Variants in LRBA observed in about 807,000 individuals in gnomAD.
The protein encoded by LRBA is lipopolysaccharide-responsive and beige-like anchor protein.
A neutral mutation model predicts 330.0 loss-of-function variants in LRBA; 176 were observed. That is an observed-to-expected ratio of 0.53 (90% CI 0.47 to 0.60). LRBA has a LOEUF of 0.60. Among genes scored for constraint, LRBA ranks in the 20% least tolerant of loss-of-function variants. LRBA has a pLI of 0.00. For missense variants in LRBA, 3,259 were observed against 3,444.8 expected (o/e 0.95, Z 1.35); for synonymous variants, 1,230 against 1,193.0 (o/e 1.03, Z -0.64).
At chr4:150,330,741 G>A (rs144810114) in intron 48 of LRBA, among the ~76,000 whole-genome samples, 25 of 152,200 alleles carry the variant, frequency 1.6e-4, no homozygotes, top group Non-Finnish European at 2.9e-4. Flanking sequence ...GCTGTGGCTC[G>A]GCGGTCAGGG....
chr4:150,492,731 T>C (rs1014188919), intron 40 of LRBA, among the ~76,000 whole-genome samples: 4 of 152,142 alleles, frequency 2.6e-5, no homozygotes, highest in Non-Finnish European at 4.4e-5. Flanking sequence ...TAAAGCCTCA[T>C]ATCTGGGACT....
intron 40 of LRBA, among the ~76,000 whole-genome samples, chr4:150,513,825 CT>C (rs1317614400): frequency 5.9e-5 from 9 of 152,160 alleles, no homozygotes. Flanking sequence ...TTCAGTCACA[CT>C]GGGGGTTACA....
At chr4:150,438,814 C>T (rs1751464606) in intron 44 of LRBA, among the ~76,000 whole-genome samples, 1 of 152,114 alleles carries the variant, frequency 6.6e-6, no homozygotes, top group Admixed American at 6.6e-5. Flanking sequence ...TCAAAACTAT[C>T]TTTGGCATCA....
chr4:150,676,928 G>A (rs1286590132), intron 37 of LRBA, among the ~76,000 whole-genome samples: 4 of 152,042 alleles, frequency 2.6e-5, no homozygotes, highest in Non-Finnish European at 5.9e-5. Flanking sequence ...ATTATCTATA[G>A]TACATCTCTT....
At chr4:150,572,186 T>G (rs1394774962) in intron 40 of LRBA, among the ~76,000 whole-genome samples, 1 of 152,124 alleles carries the variant, frequency 6.6e-6, no homozygotes, top group African/African-American at 2.4e-5. Flanking sequence ...CAAGTACAAT[T>G]CATCAAACTT....
intron 40 of LRBA, among the ~76,000 whole-genome samples, chr4:150,530,098 A>G (rs943254171): frequency 1.3e-5 from 2 of 152,234 alleles, no homozygotes; most frequent in Non-Finnish European, 2.9e-5. Context: ...CTCTGGCATA[A>G]GAAGAAATAC....
At chr4:150,480,427 CTA>C (rs937692670) in intron 42 of LRBA, among the ~76,000 whole-genome samples, 1 of 151,840 alleles carries the variant, frequency 6.6e-6, no homozygotes, top group Admixed American at 6.6e-5. Context: ...AATCCTTAAT[CTA>C]TAGATTTAAT....
intron 17 of LRBA, among the ~76,000 whole-genome samples, chr4:150,890,962 A>G (rs532659739): frequency 5.1e-4 from 77 of 152,298 alleles, no homozygotes; most frequent in Non-Finnish European, 9.4e-4. Flanking sequence ...AAATACACTA[A>G]AGCACATCCA....
At chr4:150,882,415 G>C (rs1000880715) in intron 17 of LRBA, among the ~76,000 whole-genome samples, 12 of 152,012 alleles carry the variant, frequency 7.9e-5, no homozygotes, top group Admixed American at 7.9e-4. Flanking sequence ...ATCCTGTAGT[G>C]CTTCAATGAA....
intron 37 of LRBA, among the ~76,000 whole-genome samples, chr4:150,611,526 A>G (rs1775260045): frequency 6.6e-6 from 1 of 152,218 alleles, no homozygotes; most frequent in South Asian, 2.1e-4. Flanking sequence ...AGTGACAGAT[A>G]TAACTATAAA....
intron 11 of LRBA, 135 bp downstream of exon 11, chr4:150,908,199 C>G: frequency 1.3e-6 from 1 of 784,252 alleles, no homozygotes; most frequent in Non-Finnish European, 2.0e-6. Flanking sequence ...TTAATATGGA[C>G]TTGTAATACA....
At chr4:150,636,165 T>C (rs1403451940) in intron 37 of LRBA, among the ~76,000 whole-genome samples, 1 of 151,338 alleles carries the variant, frequency 6.6e-6, no homozygotes, top group Non-Finnish European at 1.5e-5. Flanking sequence ...AAGCTTTTTT[T>C]TTTTTTTTTT....
intron 40 of LRBA, among the ~76,000 whole-genome samples, chr4:150,539,889 G>A (rs1765127811): frequency 6.6e-6 from 1 of 152,098 alleles, no homozygotes; most frequent in Non-Finnish European, 1.5e-5. Context: ...ATCTTTTAGA[G>A]TATCAGTTCG....
intron 36 of LRBA, among the ~76,000 whole-genome samples, chr4:150,714,341 C>T (rs1786528979): frequency 6.6e-6 from 1 of 152,026 alleles, no homozygotes; most frequent in Admixed American, 6.6e-5. Flanking sequence ...TATGTTTTAA[C>T]AGTATTTGAT....
At chr4:150,528,551 T>C (rs940391727) in intron 40 of LRBA, among the ~76,000 whole-genome samples, 1 of 151,786 alleles carries the variant, frequency 6.6e-6, no homozygotes, top group East Asian at 1.9e-4. Flanking sequence ...AGAAAGTCTA[T>C]ATACAGTTTA....
At chr4:150,722,414 G>A (rs1036144302) in intron 36 of LRBA, among the ~76,000 whole-genome samples, 127 of 152,240 alleles carry the variant, frequency 8.3e-4, no homozygotes, top group African/African-American at 3.0e-3. Context: ...AATGAAGAGT[G>A]AGTATTGAAT....
At chr4:150,575,255 T>C (rs563034615) in intron 40 of LRBA, among the ~76,000 whole-genome samples, 1 of 152,102 alleles carries the variant, frequency 6.6e-6, no homozygotes, top group African/African-American at 2.4e-5. Flanking sequence ...ATACATAGAT[T>C]ACAACCAATG....
At chr4:150,730,167 C>A (rs1730247226) in intron 36 of LRBA, among the ~76,000 whole-genome samples, 1 of 152,218 alleles carries the variant, frequency 6.6e-6, no homozygotes, top group Non-Finnish European at 1.5e-5. Flanking sequence ...AGTTAAAAAG[C>A]TACTGCAGAG....
intron 22 of LRBA, among the ~76,000 whole-genome samples, chr4:150,857,907 A>G (rs1359927391): frequency 6.6e-6 from 1 of 152,204 alleles, no homozygotes; most frequent in Non-Finnish European, 1.5e-5. Context: ...AGGCATTAAA[A>G]TTCATGTAAG....
Sources: gnomAD v4.1 joint callset for allele counts (sites outside exome capture counted in the v4.1 genomes callset) on GRCh38, gnomAD v4.1.1 for gene constraint, MANE v1.5 for transcripts, NCBI Gene and HGNC (gene_info 2026-07-23, HGNC 2026-07-21) for gene names.